The following NRCAM variants were observed in gnomAD, a reference collection of about 807,000 sequenced individuals.
NRCAM encodes the protein NgCAM-related cell adhesion molecule.
NRCAM carries 83 observed loss-of-function variants against 156.5 expected under a neutral mutation model. The ratio of observed to expected loss-of-function variants is 0.53; its 90% CI spans 0.44 to 0.64. NRCAM has a LOEUF of 0.64. Ranked by LOEUF, NRCAM falls within the 30% of genes least tolerant of loss-of-function variation. NRCAM has a pLI of 0.00. For missense variants in NRCAM, 1,417 were observed against 1,597.3 expected (o/e 0.89, Z 1.92); for synonymous variants, 538 against 563.9 (o/e 0.95, Z 0.65).
rs775900115 is a variant in NRCAM at position 108,168,288 on chromosome 7, C to T, written c.3302G>A (p.Gly1101Asp). Reference sequence around the variant, plus strand: ...AAATTGTTTCTTACTGCCTGCTACACCATATTCAACATAAAAGTTCACATG... The same window carrying T: ...AAATTGTTTCTTACTGCCTGCTACATCATATTCAACATAAAAGTTCACATG... ...PEHVNFYVEYGVAGSKEEWRK... is the reference protein window; with the variant it reads ...PEHVNFYVEYDVAGSKEEWRK... The change falls in exon 29 of 33, where the codon GGT becomes GAT. Residue 1101 changes from glycine (G) to aspartate (D), a missense_variant. By Grantham distance (94) the Gly-to-Asp change is moderately conservative. Around this residue, in one of 2 missense-constraint regions of NRCAM, gnomAD observed 179 missense variants for 260.9 expected, o/e 0.69. Coordinates refer to ENST00000379028, the MANE Select transcript of NRCAM (RefSeq NM_001037132.4). 6.3e-7 allele frequency: 1 copy of T among 1,582,044 alleles called. No individual in the cohort carries two copies. Among genetic ancestry groups the T allele is most frequent in the Non-Finnish European group, 8.6e-7 (1 of 1,166,400 alleles).
chr7:108,455,217 A>G (rs1361425602), intron 1 of NRCAM, among the ~76,000 whole-genome samples: 2 of 151,812 alleles, frequency 1.3e-5, no homozygotes, highest in Non-Finnish European at 2.9e-5. Flanking sequence ...CCCCCTCCGC[A>G]CTCTAGCAGA....
chr7:108,429,632 G>C (rs556996323), intron 1 of NRCAM, among the ~76,000 whole-genome samples: 1 of 152,252 alleles, frequency 6.6e-6, no homozygotes, highest in Admixed American at 6.5e-5. Flanking sequence ...CCTCACATAG[G>C]TAAGTTCCCC....
At position 108,245,744 on chromosome 7, in the gene NRCAM, TA is replaced by T. The variant is rs533373677; in HGVS notation, c.-106-5575del. Among the ~76,000 whole-genome samples the T allele has an allele frequency of 3.1e-3, 475 of 152,332 alleles. 2 individuals carry two copies. The highest frequency in any genetic ancestry group is 0.01 in the African/African-American group (435 of 41,576). On this transcript the variant is annotated intron_variant, in intron 3 of 32. Coordinates refer to ENST00000379028, the MANE Select transcript of NRCAM (RefSeq NM_001037132.4). ...GGACATTTTAGATTTAGAAAATTAT[TA>T]AAAAGCTTTTGGGACACTGACATTA...
intron 13 of NRCAM, among the ~76,000 whole-genome samples, chr7:108,200,992 TG>T (rs2077718471): frequency 6.6e-6 from 1 of 151,764 alleles, no homozygotes; most frequent in Non-Finnish European, 1.5e-5. Flanking sequence ...AAGGAAAGTG[TG>T]GGGGGCAGCG....
intron 11 of NRCAM, among the ~76,000 whole-genome samples, chr7:108,219,359 T>TATCA (rs2091239610): frequency 6.6e-6 from 1 of 152,108 alleles, no homozygotes; most frequent in African/African-American, 2.4e-5. Context: ...ATGAAGCCAG[T>TATCA]ATCACCCTAA....
intron 2 of NRCAM, among the ~76,000 whole-genome samples, chr7:108,345,133 T>C (rs567847093): frequency 3.3e-5 from 5 of 152,098 alleles, no homozygotes; most frequent in Non-Finnish European, 7.4e-5. Flanking sequence ...AATAGGAAAA[T>C]TGATTGTTTT....
chr7:108,156,314 G>T, intron 32 of NRCAM: 1 of 985,114 alleles, frequency 1.0e-6, no homozygotes, highest in East Asian at 1.1e-4. Flanking sequence ...CAAGTAACAT[G>T]GGCATATGGT....
chr7:108,381,561 C>CT (rs71522870), intron 2 of NRCAM, among the ~76,000 whole-genome samples: 176 of 125,810 alleles, frequency 1.4e-3, no homozygotes, highest in Middle Eastern at 3.8e-3. Context: ...TTTTTTTTTT[C>CT]TTTTTTTTTT....
chr7:108,254,498 C>T (rs750747434), intron 3 of NRCAM, among the ~76,000 whole-genome samples: 5 of 150,912 alleles, frequency 3.3e-5, no homozygotes, highest in Non-Finnish European at 4.4e-5. Flanking sequence ...GAAATCCTCA[C>T]ATATTGCTAT....
chr7:108,368,602 T>C (rs1470472240), intron 2 of NRCAM, among the ~76,000 whole-genome samples: 1 of 152,158 alleles, frequency 6.6e-6, no homozygotes, highest in East Asian at 1.9e-4. Flanking sequence ...CAAATGTTGC[T>C]ATGGAATCCT....
At chr7:108,229,207 C>A (rs2093956424) in intron 8 of NRCAM, among the ~76,000 whole-genome samples, 1 of 152,204 alleles carries the variant, frequency 6.6e-6, no homozygotes, top group Non-Finnish European at 1.5e-5. Context: ...ATTATCTGAT[C>A]TCTCAGCAGC....
At chr7:108,432,689 G>A (rs1036578928) in intron 1 of NRCAM, among the ~76,000 whole-genome samples, 1 of 152,224 alleles carries the variant, frequency 6.6e-6, no homozygotes, top group Non-Finnish European at 1.5e-5. Flanking sequence ...GATCACTTGA[G>A]ATCAAGAGTT....
intron 2 of NRCAM, among the ~76,000 whole-genome samples, chr7:108,338,354 G>C (rs1335372111): frequency 6.6e-6 from 1 of 152,160 alleles, no homozygotes; most frequent in African/African-American, 2.4e-5. Flanking sequence ...ATTTCCTCTA[G>C]CAAGTTGTAT....
At chr7:108,455,591 C>A (rs1856191772) in intron 1 of NRCAM, among the ~76,000 whole-genome samples, 2 of 152,310 alleles carry the variant, frequency 1.3e-5, no homozygotes, top group Non-Finnish European at 2.9e-5. Context: ...TCCTCCGTGT[C>A]TCTCTCGTTC....
chr7:108,350,960 C>T (rs898570954), intron 2 of NRCAM, among the ~76,000 whole-genome samples: 6 of 152,064 alleles, frequency 3.9e-5, no homozygotes, highest in African/African-American at 9.7e-5. Flanking sequence ...TTGGGAATGT[C>T]CCTCATATGC....
chr7:108,442,888 A>G (rs1598273702), intron 1 of NRCAM, among the ~76,000 whole-genome samples: 1 of 152,256 alleles, frequency 6.6e-6, no homozygotes, highest in African/African-American at 2.4e-5. Context: ...TGTTAAAAAG[A>G]AGCTGCGAGA....
At position 108,184,584 on chromosome 7, in the gene NRCAM, T is replaced by G; in HGVS notation, c.2066A>C (p.His689Pro). The change falls in exon 21 of 33, where the codon CAC (histidine) becomes CCC (proline). Residue 689 changes from histidine to proline, a missense_variant. His to Pro is a moderately conservative substitution (Grantham distance 77). Around this residue, in one of 2 missense-constraint regions of NRCAM, gnomAD observed 1,238 missense variants for 1,336.4 expected, o/e 0.93. Transcript: ENST00000379028. ...TTGGTGGTGCCACAGCCCTGGCTTG[T>G]GCATTGCATCTTCATATTCGATGAT... is the stretch of plus-strand genomic sequence containing the variant. ...KFIIEYEDAM[H>P]KPGLWHHQTE... 6.2e-7 allele frequency: 1 copy of G among 1,613,554 alleles called. No homozygotes were observed. The highest frequency in any genetic ancestry group is 8.5e-7 in the Non-Finnish European group (1 of 1,180,006).
Position 108,149,829 on chromosome 7 carries a change from T to C in NRCAM, c.*81A>G, listed in dbSNP as rs1170991697. Reference sequence around the variant, plus strand: ...AGAAAATATACTCTCTACCCATATGTTCATAGTATGAGAGGGCTGACAAAC... The same window carrying C: ...AGAAAATATACTCTCTACCCATATGCTCATAGTATGAGAGGGCTGACAAAC... On this transcript the variant is annotated 3_prime_UTR_variant, in exon 33 of 33. Coordinates refer to ENST00000379028, the MANE Select transcript of NRCAM (RefSeq NM_001037132.4). 6 of 1,105,486 alleles carry C rather than the reference T, an allele frequency of 5.4e-6. No individual in the cohort carries two copies. The highest frequency in any genetic ancestry group is 5.3e-6 in the Non-Finnish European group (4 of 752,448). The allele number at this position is 1,105,486 out of a possible 1,614,324, so 68.5% of individuals were successfully genotyped here.
At chr7:108,176,340 G>T in intron 27 of NRCAM, 90 bp downstream of exon 27, 2 of 1,150,424 alleles carry the variant, frequency 1.7e-6, no homozygotes, top group Non-Finnish European at 2.6e-6. Context: ...TAAGACAGAC[G>T]TTCCATAGCA....
Sources: gnomAD v4.1 joint callset for allele counts (sites outside exome capture counted in the v4.1 genomes callset) on GRCh38, gnomAD v4.1.1 for gene constraint, gnomAD v4.1.1 regional missense constraint, MANE v1.5 for transcripts, NCBI Gene and HGNC (gene_info 2026-07-23, HGNC 2026-07-21) for gene names.